Variants in ERBB4 observed in about 807,000 individuals in gnomAD.
ERBB4 encodes receptor tyrosine-protein kinase erbB-4.
In ERBB4, 42 loss-of-function variants were observed where a neutral mutation model predicts 158.0. The observed-to-expected ratio is 0.27, with a 90% CI of 0.21 to 0.34. ERBB4 has a LOEUF of 0.34. Among genes scored for constraint, ERBB4 ranks in the 10% least tolerant of loss-of-function variants. The pLI, the probability that ERBB4 is intolerant of heterozygous loss-of-function variation, is 1.00. For missense variants in ERBB4, 1,333 were observed against 1,624.1 expected (o/e 0.82, Z 3.08); for synonymous variants, 583 against 558.7 (o/e 1.04, Z -0.61).
intron 24 of ERBB4, among the ~76,000 whole-genome samples, chr2:211,420,886 T>TA (rs2063500331): frequency 6.6e-6 from 1 of 151,932 alleles, no homozygotes; most frequent in African/African-American, 2.4e-5. Context: ...TTTAGGGAGG[T>TA]AAAATCAATT....
chr2:212,191,909 CATATGTTAT>C (rs1411253568), intron 1 of ERBB4, among the ~76,000 whole-genome samples: 6 of 113,670 alleles, frequency 5.3e-5, no homozygotes, highest in East Asian at 2.6e-4. Context: ...ATATATGATA[CATATGTTAT>C]ATATGTTATA....
At position 211,914,063 on chromosome 2, in the gene ERBB4, A is replaced by C. The variant is rs201850340; in HGVS notation, c.421+33367T>G. On this transcript the variant is annotated intron_variant, in intron 3 of 27. Transcript: ENST00000342788. ...TCTTGGAATGACAAAAAAAAAAAAAAAAAACAAGGAGTCTGGGCAGGCCAA... is the reference window on the plus strand; with the variant it reads ...TCTTGGAATGACAAAAAAAAAAAAACAAAACAAGGAGTCTGGGCAGGCCAA... Among the ~76,000 whole-genome samples the C allele has an allele frequency of 9.3e-5, 14 of 151,100 alleles. No homozygotes were observed. In the South Asian group the frequency reaches 1.0e-3, roughly 11 times the overall value.
intron 20 of ERBB4, among the ~76,000 whole-genome samples, chr2:211,512,915 T>A (rs1451246751): frequency 6.6e-6 from 1 of 152,126 alleles, no homozygotes; most frequent in African/African-American, 2.4e-5. Flanking sequence ...AAATAAAAGA[T>A]GTCGGGTAGA....
intron 19 of ERBB4, among the ~76,000 whole-genome samples, chr2:211,590,353 G>A (rs1029221913): frequency 6.6e-6 from 1 of 152,130 alleles, no homozygotes; most frequent in African/African-American, 2.4e-5. Flanking sequence ...GCTAACATTA[G>A]CCATAAGATT....
At chr2:212,415,984 A>G (rs2091640443) in intron 1 of ERBB4, among the ~76,000 whole-genome samples, 1 of 152,160 alleles carries the variant, frequency 6.6e-6, no homozygotes. Flanking sequence ...TATTTCTTGA[A>G]CTAAGAATTT....
chr2:212,233,231 G>A (rs1209892345), intron 1 of ERBB4, among the ~76,000 whole-genome samples: 1 of 152,060 alleles, frequency 6.6e-6, no homozygotes, highest in East Asian at 1.9e-4. Flanking sequence ...AGAAAATAGG[G>A]TTGAGAGAGT....
chr2:212,099,144 A>AAAATAAAT (rs59327182), intron 2 of ERBB4, among the ~76,000 whole-genome samples: 1,632 of 142,988 alleles, frequency 0.011, 15 homozygotes, highest in Admixed American at 0.018. Flanking sequence ...GCCCCTCTCT[A>AAAATAAAT]AAATAAATAA....
At chr2:211,888,820 C>G (rs540919815) in intron 3 of ERBB4, among the ~76,000 whole-genome samples, 11 of 151,522 alleles carry the variant, frequency 7.3e-5, no homozygotes, top group Middle Eastern at 3.4e-3. Context: ...CACTCCCACC[C>G]GAATATTGCG....
chr2:211,639,762 CCCAGG>C (rs2070502253), intron 16 of ERBB4, among the ~76,000 whole-genome samples: 1 of 152,020 alleles, frequency 6.6e-6, no homozygotes, highest in Admixed American at 6.6e-5. Flanking sequence ...TACTCTGTTC[CCCAGG>C]CAGGAGTACA....
chr2:211,602,865 G>A (rs568194092), intron 19 of ERBB4, among the ~76,000 whole-genome samples: 1 of 152,258 alleles, frequency 6.6e-6, no homozygotes, highest in East Asian at 1.9e-4. Flanking sequence ...AGAGAACTTA[G>A]AATTACAGCT....
At position 211,383,753 on chromosome 2, in the gene ERBB4, G is replaced by C. The variant is rs1469479156; in HGVS notation, c.3789C>G (p.Ser1263Arg). 1 of 1,614,100 alleles carries C rather than the reference G, an allele frequency of 6.2e-7. No individual in the cohort carries two copies. Among genetic ancestry groups the C allele is most frequent in the Non-Finnish European group, 8.5e-7 (1 of 1,180,014 alleles). ...LQHPDYLQEY[S>R]TKYFYKQNGR... ...CATTCTGTTTATAAAAATATTTTGT[G>C]CTGTACTCCTGCAGGTAGTCTGGGT... Residue 1263 changes from serine (S) to arginine (R), a missense_variant, in exon 28 of 28, where the codon AGC (serine) becomes AGG (arginine). This residue lies in a region of ERBB4 where 84 missense variants were observed against 110.8 expected (regional missense o/e 0.76). Transcript: ENST00000342788.
chr2:211,732,361 G>GAA (rs78246905), intron 5 of ERBB4, among the ~76,000 whole-genome samples: 24 of 148,492 alleles, frequency 1.6e-4, no homozygotes, highest in South Asian at 2.1e-4. Flanking sequence ...GGTCTTTTTT[G>GAA]AAAAAAAAAA....
At chr2:212,074,970 G>T (rs964808496) in intron 2 of ERBB4, among the ~76,000 whole-genome samples, 2 of 151,750 alleles carry the variant, frequency 1.3e-5, no homozygotes, top group Admixed American at 1.3e-4. Context: ...CACATCTTAG[G>T]ACAGTATTAA....
intron 20 of ERBB4, among the ~76,000 whole-genome samples, chr2:211,449,038 C>G (rs1428856751): frequency 6.6e-6 from 1 of 152,016 alleles, no homozygotes; most frequent in Non-Finnish European, 1.5e-5. Context: ...ATCATCTTTA[C>G]AAATTAAAAT....
intron 1 of ERBB4, among the ~76,000 whole-genome samples, chr2:212,175,607 A>ATTTTT (rs772882128): frequency 1.5e-5 from 2 of 134,172 alleles, no homozygotes; most frequent in Non-Finnish European, 1.6e-5. Flanking sequence ...CAGAATATGT[A>ATTTTT]TTTTTTTTTT....
At chr2:212,203,731 A>G (rs957686093) in intron 1 of ERBB4, among the ~76,000 whole-genome samples, 19 of 152,194 alleles carry the variant, frequency 1.2e-4, no homozygotes, top group Non-Finnish European at 2.4e-4. Flanking sequence ...TCCACTTCCT[A>G]TCTTTTTGGA....
intron 3 of ERBB4, among the ~76,000 whole-genome samples, chr2:211,868,279 G>T (rs2078259036): frequency 6.6e-6 from 1 of 152,192 alleles, no homozygotes; most frequent in Non-Finnish European, 1.5e-5. Flanking sequence ...TAACCTCACA[G>T]AAAATGTGTA....
chr2:211,476,160 G>C (rs1433099281), intron 20 of ERBB4, among the ~76,000 whole-genome samples: 2 of 152,050 alleles, frequency 1.3e-5, no homozygotes, highest in Non-Finnish European at 2.9e-5. Context: ...AGTGGGGAAG[G>C]GCATTTTAAG....
At chr2:211,416,873 T>G (rs1217689429) in intron 25 of ERBB4, among the ~76,000 whole-genome samples, 1 of 151,558 alleles carries the variant, frequency 6.6e-6, no homozygotes, top group Non-Finnish European at 1.5e-5. Flanking sequence ...CCTTTAAGTC[T>G]CTGCCAAAAT....
Sources: allele counts gnomAD v4.1 joint callset (sites outside exome capture counted in the v4.1 genomes callset), GRCh38; gene constraint gnomAD v4.1.1; regional missense constraint gnomAD v4.1.1; transcripts MANE v1.5; gene names NCBI Gene and HGNC (gene_info 2026-07-23, HGNC 2026-07-21).